LUC7L2: variants seen among roughly 807,000 people sequenced by gnomAD.
LUC7L2 encodes the protein putative RNA-binding protein Luc7-like 2.
In LUC7L2, 25 loss-of-function variants were observed where a neutral mutation model predicts 52.8. That is an observed-to-expected ratio of 0.47 (90% CI 0.34 to 0.66). The LOEUF is 0.66. Among genes scored for constraint, LUC7L2 ranks in the 30% least tolerant of loss-of-function variants. LUC7L2 has a pLI of 0.01. For missense variants in LUC7L2, 328 were observed against 497.8 expected (o/e 0.66, Z 3.25); for synonymous variants, 144 against 160.9 (o/e 0.89, Z 0.80).
At position 139,360,147 on chromosome 7, in the gene LUC7L2, G is replaced by A. The variant is rs1403700524; in HGVS notation, c.-115G>A. The A allele has an allele frequency of 1.5e-6, 1 of 682,616 alleles. No homozygotes were observed. The highest frequency in any genetic ancestry group is 3.2e-5 in the East Asian group (1 of 31,144). 42.3% of individuals were successfully genotyped at this position (682,616 alleles called of 1,614,324 possible). On this transcript the variant is annotated 5_prime_UTR_variant, in exon 1 of 10. Transcript: ENST00000354926. The stretch of plus-strand genomic sequence containing the variant: ...GCTCCCTTTCCGCACGCCTCGAGGC[G>A]GCGGCGGCCACCGAGACAGCAGCGC...
chr7:139,376,018 C>T (rs759354046), intron 1 of LUC7L2, 44 bp from the exon 2 acceptor site: 1 of 1,601,966 alleles, frequency 6.2e-7, no homozygotes, highest in African/African-American at 1.3e-5. Context: ...AAAATACTTT[C>T]CAGTTGTCTA....
chr7:139,350,182 C>T (rs911179630), intron 1 of LUC7L2, among the ~76,000 whole-genome samples: 16 of 151,692 alleles, frequency 1.1e-4, no homozygotes, highest in Non-Finnish European at 7.4e-5. Context: ...AGTGCAGTGG[C>T]GCGATCTCTG....
chr7:139,398,596 C>T lies in LUC7L2; in HGVS notation c.157-3C>T, dbSNP rs1569386254. The T allele has an allele frequency of 1.9e-6, 3 of 1,592,000 alleles. No individual in the cohort carries two copies. Among genetic ancestry groups the T allele is most frequent in the African/African-American group, 2.7e-5 (2 of 73,508 alleles). ...TTAATATTATGTCTTTTTTCCCTTC[C>T]AGAGAATGGATCTTGGAGAATGTCT... On this transcript the variant is annotated splice_region_variant and splice_polypyrimidine_tract_variant and intron_variant, in intron 2 of 9. Transcript: ENST00000354926.
chr7:139,392,955 C>G (rs748507967), intron 2 of LUC7L2, among the ~76,000 whole-genome samples: 5 of 151,044 alleles, frequency 3.3e-5, no homozygotes, highest in South Asian at 2.1e-4. Context: ...CACCCAGCAA[C>G]TACTTGTTAA....
intron 2 of LUC7L2, among the ~76,000 whole-genome samples, chr7:139,379,543 C>G (rs1386754557): frequency 2.9e-5 from 3 of 104,500 alleles, no homozygotes; most frequent in Non-Finnish European, 5.5e-5. Flanking sequence ...TCTAGTATAA[C>G]TAATGCTTTT....
At chr7:139,417,843 C>T in intron 9 of LUC7L2, 114 bp downstream of exon 9, 5 of 1,374,394 alleles carry the variant, frequency 3.6e-6, no homozygotes, top group Non-Finnish European at 4.8e-6. Context: ...ACTTTTGCAT[C>T]TGGTAATATG....
intron 1 of LUC7L2, among the ~76,000 whole-genome samples, chr7:139,348,980 G>T (rs1439671471): frequency 1.3e-5 from 2 of 151,832 alleles, no homozygotes; most frequent in African/African-American, 4.9e-5. Flanking sequence ...GGCCAACATA[G>T]TGAAACCCCG....
chr7:139,387,386 G>A (rs1340065263), intron 2 of LUC7L2, among the ~76,000 whole-genome samples: 1 of 151,914 alleles, frequency 6.6e-6, no homozygotes, highest in African/African-American at 2.4e-5. Context: ...GTAGAGACAC[G>A]ATTTTACCAT....
At chr7:139,392,217 TAATTCCTTAGAAATAG>T (rs1321238161) in intron 2 of LUC7L2, 5 of 167,098 alleles carry the variant, frequency 3.0e-5, no homozygotes, top group African/African-American at 9.6e-5. Flanking sequence ...ATTTCACTCT[TAATTCCTTAGAAATAG>T]AATTCCTTAG....
chr7:139,377,553 C>G (rs1343899277), intron 2 of LUC7L2, among the ~76,000 whole-genome samples: 1 of 152,038 alleles, frequency 6.6e-6, no homozygotes, highest in Non-Finnish European at 1.5e-5. Flanking sequence ...ACCACCATGC[C>G]CAACTAATTT....
At chr7:139,367,275 C>T (rs900974879) in intron 1 of LUC7L2, among the ~76,000 whole-genome samples, 4 of 151,912 alleles carry the variant, frequency 2.6e-5, no homozygotes, top group Non-Finnish European at 5.9e-5. Context: ...CCTGGCCTTG[C>T]CTTTATTATT....
chr7:139,419,152 C>T (rs186928599), intron 9 of LUC7L2, among the ~76,000 whole-genome samples: 214 of 151,668 alleles, frequency 1.4e-3, no homozygotes, highest in African/African-American at 5.0e-3. Context: ...CAAAAAGTCT[C>T]CTATGTGAGT....
chr7:139,398,288 G>A (rs1380473762), intron 2 of LUC7L2, among the ~76,000 whole-genome samples: 1 of 152,120 alleles, frequency 6.6e-6, no homozygotes, highest in Non-Finnish European at 1.5e-5. Context: ...TCTTTTTTGT[G>A]TTGTGGAGCT....
At chr7:139,364,763 T>C (rs1329003667) in intron 1 of LUC7L2, among the ~76,000 whole-genome samples, 5 of 152,250 alleles carry the variant, frequency 3.3e-5, no homozygotes, top group Non-Finnish European at 7.3e-5. Context: ...TTTGAAGTAG[T>C]GCGTTCTTTA....
intron 1 of LUC7L2, among the ~76,000 whole-genome samples, chr7:139,373,114 T>C (rs548454986): frequency 6.6e-6 from 1 of 152,354 alleles, no homozygotes; most frequent in East Asian, 1.9e-4. Flanking sequence ...CTGTTTTACC[T>C]AGTTTCTTAT....
intron 9 of LUC7L2, 70 bp downstream of exon 9, chr7:139,417,799 TA>T: frequency 1.3e-6 from 2 of 1,523,644 alleles, no homozygotes; most frequent in South Asian, 2.5e-5. Flanking sequence ...TTACTTATGT[TA>T]CTTATGTTTA....
intron 1 of LUC7L2, among the ~76,000 whole-genome samples, chr7:139,354,197 C>T (rs1219581633): frequency 6.6e-6 from 1 of 152,102 alleles, no homozygotes; most frequent in Admixed American, 6.6e-5. Flanking sequence ...TGGAGTGACC[C>T]TTCTGTTGAA....
chr7:139,344,445 G>A (rs1799159916), intron 1 of LUC7L2, among the ~76,000 whole-genome samples: 2 of 152,192 alleles, frequency 1.3e-5, no homozygotes, highest in African/African-American at 4.8e-5. Flanking sequence ...GTAAATCGTT[G>A]TTATACTACA....
Position 139,360,160 on chromosome 7 carries a change from G to T in LUC7L2, c.-102G>T, listed in dbSNP as rs1799788269. On this transcript the variant is annotated 5_prime_UTR_variant, in exon 1 of 10. Transcript: ENST00000354926. The stretch of plus-strand genomic sequence containing the variant: ...ACGCCTCGAGGCGGCGGCGGCCACC[G>T]AGACAGCAGCGCACCTTCCCCCATC... 2 of 860,312 alleles carry T rather than the reference G, an allele frequency of 2.3e-6. No individual in the cohort carries two copies. Among genetic ancestry groups the T allele is most frequent in the Non-Finnish European group, 1.7e-6 (1 of 573,554 alleles). The allele number at this position is 860,312 out of a possible 1,614,324, so 53.3% of individuals were successfully genotyped here.
Sources: gnomAD v4.1 joint callset for allele counts (sites outside exome capture counted in the v4.1 genomes callset) on GRCh38, gnomAD v4.1.1 for gene constraint, MANE v1.5 for transcripts, NCBI Gene and HGNC (gene_info 2026-07-23, HGNC 2026-07-21) for gene names.